Variants in MSRA observed in about 807,000 individuals in gnomAD.
MSRA encodes methionine sulfoxide reductase A, also known as mitochondrial peptide methionine sulfoxide reductase.
In MSRA, 54 loss-of-function variants were observed where a neutral mutation model predicts 31.3. The ratio of observed to expected loss-of-function variants is 1.73; its 90% confidence interval spans 1.39 to 2.17. The LOEUF (loss-of-function observed/expected upper bound fraction) is 2.17, where lower values mean the gene tolerates loss of function less well. Among genes scored for constraint, MSRA ranks in the 30% most tolerant of loss-of-function variants. The pLI is 0.00. For synonymous variants in MSRA, 169 were observed against 116.5 expected, an observed-to-expected ratio of 1.45 and a Z score of -2.90; for missense variants, 507 against 300.9, an observed-to-expected ratio of 1.69 and a Z score of -5.07.
chr8:10,261,102 T>A (rs548807949), intron 3 of MSRA, among the ~76,000 whole-genome samples: 2 of 152,286 alleles, frequency 1.3e-5, no homozygotes, highest in East Asian at 3.9e-4. Flanking sequence ...TCTTGCTAGA[T>A]ATATTTAGGT....
chr8:10,368,538 C>T (rs757141577), intron 5 of MSRA, among the ~76,000 whole-genome samples: 1 of 152,220 alleles, frequency 6.6e-6, no homozygotes, highest in African/African-American at 2.4e-5. Flanking sequence ...TGGCCAACAC[C>T]GGAGTGGGGT....
At chr8:10,261,068 G>T (rs563406992) in intron 3 of MSRA, among the ~76,000 whole-genome samples, 161 of 152,114 alleles carry the variant, frequency 1.1e-3, no homozygotes, top group African/African-American at 3.7e-3. Flanking sequence ...AAACCAAATA[G>T]TACTAAACTA....
intron 5 of MSRA, among the ~76,000 whole-genome samples, chr8:10,422,477 A>C (rs999607985): frequency 6.6e-6 from 1 of 152,210 alleles, no homozygotes; most frequent in Non-Finnish European, 1.5e-5. Context: ...AGAAAAACAC[A>C]AATGACCAAT....
At chr8:10,242,743 C>G (rs1057046678) in intron 2 of MSRA, among the ~76,000 whole-genome samples, 2 of 152,182 alleles carry the variant, frequency 1.3e-5, no homozygotes, top group African/African-American at 2.4e-5. Context: ...CATTTTCACA[C>G]TCACACCTTC....
At chr8:10,249,386 G>A (rs560650075) in intron 3 of MSRA, among the ~76,000 whole-genome samples, 3 of 152,156 alleles carry the variant, frequency 2.0e-5, no homozygotes, top group Non-Finnish European at 4.4e-5. Flanking sequence ...CAGAGTTTTG[G>A]TCGGACCTCC....
At chr8:10,161,360 C>G (rs1804630147) in intron 1 of MSRA, among the ~76,000 whole-genome samples, 2 of 152,156 alleles carry the variant, frequency 1.3e-5, no homozygotes, top group South Asian at 2.1e-4. Flanking sequence ...TGCTGCAGTG[C>G]TGATGGATTA....
chr8:10,224,999 G>A (rs996927919), intron 2 of MSRA, among the ~76,000 whole-genome samples: 1 of 152,280 alleles, frequency 6.6e-6, no homozygotes, highest in South Asian at 2.1e-4. Context: ...TAAGCTGGCC[G>A]TGGTGGCGCA....
intron 1 of MSRA, among the ~76,000 whole-genome samples, chr8:10,125,494 TG>T (rs907420573): frequency 3.0e-4 from 46 of 152,184 alleles, no homozygotes; most frequent in African/African-American, 1.0e-3. Context: ...GGAGTCAGTT[TG>T]GACCTGCTGG....
At chr8:10,367,690 C>T (rs1474785113) in intron 5 of MSRA, among the ~76,000 whole-genome samples, 1 of 152,242 alleles carries the variant, frequency 6.6e-6, no homozygotes, top group African/African-American at 2.4e-5. Context: ...TAGGAACTTG[C>T]AAGGGCTCCG....
intron 1 of MSRA, among the ~76,000 whole-genome samples, chr8:10,155,001 T>TA (rs374720632): frequency 0.044 from 6,132 of 138,704 alleles, 554 homozygotes; most frequent in East Asian, 0.14. Context: ...GTGTATATAT[T>TA]TTATATATAT....
At chr8:10,220,885 G>C (rs990737634) in intron 2 of MSRA, among the ~76,000 whole-genome samples, 2 of 152,220 alleles carry the variant, frequency 1.3e-5, no homozygotes, top group South Asian at 2.1e-4. Context: ...GGGGAGGGTC[G>C]TCTGGGGAAT....
At chr8:10,056,218 A>AAT (rs1554532558) in intron 1 of MSRA, among the ~76,000 whole-genome samples, 1 of 151,438 alleles carries the variant, frequency 6.6e-6, no homozygotes, top group African/African-American at 2.4e-5. Flanking sequence ...AAAAAAAAAA[A>AAT]AAACCCCAAA....
intron 1 of MSRA, 62 bp downstream of exon 1, chr8:10,054,720 C>G: frequency 7.2e-7 from 1 of 1,390,052 alleles, no homozygotes; most frequent in Non-Finnish European, 9.5e-7. Context: ...CTTTGCCCGG[C>G]GGCAGCGCGC....
Position 10,166,163 on chromosome 8 carries a change from G to C in MSRA, c.143-41670G>C, listed in dbSNP as rs1020890539. On this transcript the variant is annotated intron_variant, in intron 1 of 5. Coordinates refer to ENST00000317173, the MANE Select transcript of MSRA (RefSeq NM_012331.5). ...CAGGGCAGTCTCACACTGGGTATGA[G>C]GTGGGTGGGTATGGTAGTGGTGATG... Among the ~76,000 whole-genome samples the C allele has an allele frequency of 2.0e-5, 3 of 152,294 alleles. No homozygotes were observed. In the East Asian group the frequency reaches 5.8e-4, roughly 29 times the overall value.
Position 10,391,374 on chromosome 8 carries a change from G to T in MSRA, c.544-36774G>T, listed in dbSNP as rs546330109. ...GAAAATGGGCACAAGTCTTCAGATT[G>T]GCCCTGGATAGGGGAGGCACTGTGA... On this transcript the variant is annotated intron_variant, in intron 5 of 5. Coordinates refer to ENST00000317173, the MANE Select transcript of MSRA (RefSeq NM_012331.5). Among the ~76,000 whole-genome samples, 3 of 152,320 alleles carry T rather than the reference G, an allele frequency of 2.0e-5. No homozygotes were observed. In the South Asian group the frequency reaches 6.2e-4, roughly 32 times the overall value.
At chr8:10,115,900 C>A (rs1453516844) in intron 1 of MSRA, among the ~76,000 whole-genome samples, 1 of 152,162 alleles carries the variant, frequency 6.6e-6, no homozygotes, top group African/African-American at 2.4e-5. Context: ...ATTTTTAAAA[C>A]AAGATACTAA....
At chr8:10,248,216 A>G (rs535889869) in intron 3 of MSRA, among the ~76,000 whole-genome samples, 20 of 152,232 alleles carry the variant, frequency 1.3e-4, no homozygotes, top group Non-Finnish European at 2.9e-4. Context: ...CTTTGATCAC[A>G]ATCCGTGAAT....
At chr8:10,384,278 C>T (rs117986188) in intron 5 of MSRA, among the ~76,000 whole-genome samples, 186 of 152,286 alleles carry the variant, frequency 1.2e-3, no homozygotes, top group African/African-American at 3.8e-3. Flanking sequence ...CTTGCTCTGA[C>T]GCCGTCAAAT....
At chr8:10,108,249 A>G (rs997686074) in intron 1 of MSRA, among the ~76,000 whole-genome samples, 4 of 152,108 alleles carry the variant, frequency 2.6e-5, no homozygotes, top group African/African-American at 9.7e-5. Flanking sequence ...GGAGATACCC[A>G]TTGGTTCCAT....
Sources: allele counts gnomAD v4.1 joint callset (sites outside exome capture counted in the v4.1 genomes callset), GRCh38; gene constraint gnomAD v4.1.1; transcripts MANE v1.5; gene names NCBI Gene and HGNC (gene_info 2026-07-23, HGNC 2026-07-21).